The following INPP4A variants were observed in gnomAD, a reference collection of about 807,000 sequenced individuals.
The protein encoded by INPP4A is inositol polyphosphate-4-phosphatase type I A.
In INPP4A, 33 loss-of-function variants were observed where a neutral mutation model predicts 119.8. The ratio of observed to expected loss-of-function variants is 0.28; its 90% CI spans 0.21 to 0.37. INPP4A has a LOEUF of 0.37. Among genes scored for constraint, INPP4A ranks in the 10% least tolerant of loss-of-function variants. The pLI, the probability that INPP4A is intolerant of heterozygous loss-of-function variation, is 1.00. For missense variants in INPP4A, 956 were observed against 1,289.9 expected (o/e 0.74, Z 3.97); for synonymous variants, 496 against 500.7 (o/e 0.99, Z 0.12).
intron 4 of INPP4A, among the ~76,000 whole-genome samples, chr2:98,522,827 C>T (rs1456827744): frequency 6.6e-6 from 1 of 152,046 alleles, no homozygotes; most frequent in Non-Finnish European, 1.5e-5. Context: ...TGGAATGTCT[C>T]AGTGACATTG....
intron 1 of INPP4A, among the ~76,000 whole-genome samples, chr2:98,515,369 G>A (rs1685907237): frequency 6.6e-6 from 1 of 151,064 alleles, no homozygotes; most frequent in Non-Finnish European, 1.5e-5. Context: ...TGTTTGGAGA[G>A]CAGAGGCACA....
chr2:98,588,503 A>AT lies in INPP4A; in HGVS notation c.*903dup, dbSNP rs1240021169. 7 of 214,138 alleles carry AT rather than the reference A, an allele frequency of 3.3e-5. No homozygotes were observed. Among genetic ancestry groups the AT allele is most frequent in the East Asian group, 7.0e-5 (1 of 14,200 alleles). The allele number at this position is 214,138 out of a possible 1,614,324, so 13.3% of individuals were successfully genotyped here. On this transcript the variant is annotated 3_prime_UTR_variant, in exon 25 of 25. Transcript: ENST00000409851. ...AAACCTAAATATTTTCAGAAAAAAA[A>AT]TTTTTTTTGCAGGATTTCCAATTTA...
intron 1 of INPP4A, among the ~76,000 whole-genome samples, chr2:98,495,734 A>G (rs886204107): frequency 1.3e-5 from 2 of 152,210 alleles, no homozygotes; most frequent in Non-Finnish European, 2.9e-5. Flanking sequence ...GGTTAAGATA[A>G]GGGGTTGTGG....
At chr2:98,486,517 C>T (rs563643399) in intron 1 of INPP4A, among the ~76,000 whole-genome samples, 1 of 152,216 alleles carries the variant, frequency 6.6e-6, no homozygotes. Flanking sequence ...CCTAAAAAGG[C>T]GTGGAAACCC....
chr2:98,546,235 C>T lies in INPP4A; in HGVS notation c.1054+162C>T, dbSNP rs1346580187. Among the ~76,000 whole-genome samples the T allele has an allele frequency of 6.6e-6, 1 of 152,190 alleles. No individual in the cohort carries two copies. Among genetic ancestry groups the T allele is most frequent in the Non-Finnish European group, 1.5e-5 (1 of 68,034 alleles). On this transcript the variant is annotated intron_variant, in intron 12 of 24. Coordinates refer to ENST00000409851, the MANE Select transcript of INPP4A (RefSeq NM_001134225.2). This position sits in a 1 kb window ranked among gnomAD's most constrained non-coding sequence, Gnocchi z 4.2. ...ACCTTCAAAAGGTTTCTGATAACAG[C>T]CCACACCCCTTCCTTTTGTCTCTCC...
At chr2:98,564,550 G>C in intron 18 of INPP4A, 90 bp from the exon 19 acceptor site, 1 of 1,497,492 alleles carries the variant, frequency 6.7e-7, no homozygotes, top group Non-Finnish European at 9.2e-7. Context: ...GGCAGCAGAG[G>C]AAGGGGGCGG....
At position 98,566,058 on chromosome 2, in the gene INPP4A, C is replaced by A. The variant is rs373911327; in HGVS notation, c.2309C>A (p.Pro770Gln). The change falls in exon 21 of 25, where the codon CCG becomes CAG. Residue 770 changes from proline (P) to glutamine (Q), a missense_variant. Pro to Gln is a moderately conservative substitution (Grantham distance 76, BLOSUM62 -1). Coordinates refer to ENST00000409851, the MANE Select transcript of INPP4A (RefSeq NM_001134225.2). The surrounding 1 kb of genome is among the most constrained non-coding windows in gnomAD (Gnocchi z 4.2). ...GGGTTTAACGTGCGGGTCCCTCTGCCGGGCCCGCTGTTTGACGCCTTGCCC... is the reference window on the plus strand; with the variant it reads ...GGGTTTAACGTGCGGGTCCCTCTGCAGGGCCCGCTGTTTGACGCCTTGCCC... ...RDGFNVRVPLPGPLFDALPRE... is the reference protein window; with the variant it reads ...RDGFNVRVPLQGPLFDALPRE... The A allele has an allele frequency of 1.9e-5, 30 of 1,604,974 alleles. No homozygotes were observed. The highest frequency in any genetic ancestry group is 2.3e-5 in the Non-Finnish European group (27 of 1,176,202).
Position 98,591,069 on chromosome 2 carries a change from C to G in INPP4A, c.*3461C>G, listed in dbSNP as rs1700374947. ...ACTTTTTAACCTATTTGTCAGCTGT[C>G]TTTTGGTCTGTGGTAGGAGTTATAC... is the stretch of plus-strand genomic sequence containing the variant. On this transcript the variant is annotated 3_prime_UTR_variant, in exon 25 of 25. Transcript: ENST00000409851. The G allele has an allele frequency of 4.7e-6, 1 of 211,958 alleles. No homozygotes were observed. The highest frequency in any genetic ancestry group is 2.3e-5 in the African/African-American group (1 of 44,294). The allele number at this position is 211,958 out of a possible 1,614,324, so 13.1% of individuals were successfully genotyped here.
chr2:98,446,931 A>G (rs1260840824), intron 1 of INPP4A, among the ~76,000 whole-genome samples: 1 of 152,210 alleles, frequency 6.6e-6, no homozygotes, highest in East Asian at 1.9e-4. Flanking sequence ...AGCACTAGAA[A>G]AATGGGATGT....
chr2:98,539,279 C>T (rs1176174743), intron 9 of INPP4A, among the ~76,000 whole-genome samples: 2 of 152,176 alleles, frequency 1.3e-5, no homozygotes, highest in Non-Finnish European at 2.9e-5. Flanking sequence ...CGACAGCCTC[C>T]CTGCCCCCAG....
Position 98,444,883 on chromosome 2 carries a change from G to T in INPP4A, c.-368G>T. 1 of 152,154 alleles carries T rather than the reference G, an allele frequency of 6.6e-6. No homozygotes were observed. The highest frequency in any genetic ancestry group is 2.0e-4 in the South Asian group (1 of 4,928). 9.4% of individuals were successfully genotyped at this position (152,154 alleles called of 1,614,324 possible). On this transcript the variant is annotated 5_prime_UTR_variant, in exon 1 of 25. Coordinates refer to ENST00000409851, the MANE Select transcript of INPP4A (RefSeq NM_001134225.2). ...GTCTAGAGCGGCGGCGGCTGGCTAG[G>T]GCTGCGGCGCGCGTGGAGGGTTCGC...
At position 98,506,794 on chromosome 2, in the gene INPP4A, T is replaced by G. The variant is rs559266784; in HGVS notation, c.-165-12170T>G. ...AAGAGGAAGGGGTCCTGGGCACATT[T>G]GGACTTTGCCTCCTGGAGTGGCCCA... On this transcript the variant is annotated intron_variant, in intron 1 of 24. Coordinates refer to ENST00000409851, the MANE Select transcript of INPP4A (RefSeq NM_001134225.2). Among the ~76,000 whole-genome samples, 271 of 152,314 alleles carry G rather than the reference T, an allele frequency of 1.8e-3. 2 individuals carry two copies. The highest frequency in any genetic ancestry group is 6.2e-3 in the African/African-American group (258 of 41,566).
At chr2:98,499,285 G>T (rs1682648756) in intron 1 of INPP4A, among the ~76,000 whole-genome samples, 1 of 152,218 alleles carries the variant, frequency 6.6e-6, no homozygotes, top group Non-Finnish European at 1.5e-5. Context: ...TCCCAGAAAT[G>T]CCAGGTTTGC....
chr2:98,474,062 G>A (rs1391915876), intron 1 of INPP4A, among the ~76,000 whole-genome samples: 4 of 152,182 alleles, frequency 2.6e-5, no homozygotes, highest in Admixed American at 1.3e-4. Context: ...ATACAGACAT[G>A]GACGTTTTCA....
chr2:98,479,619 A>G (rs144156803), intron 1 of INPP4A, among the ~76,000 whole-genome samples: 1 of 152,318 alleles, frequency 6.6e-6, no homozygotes, highest in Non-Finnish European at 1.5e-5. Flanking sequence ...TGACACAGAA[A>G]GTGTGGTCAG....
intron 1 of INPP4A, among the ~76,000 whole-genome samples, chr2:98,499,351 C>T (rs539361127): frequency 1.3e-5 from 2 of 152,330 alleles, no homozygotes; most frequent in African/African-American, 4.8e-5. Context: ...GGTGGATCAT[C>T]AAACAGTATT....
At chr2:98,531,388 T>A (rs1689182635) in intron 4 of INPP4A, among the ~76,000 whole-genome samples, 1 of 151,776 alleles carries the variant, frequency 6.6e-6, no homozygotes, top group Non-Finnish European at 1.5e-5. Context: ...GAAAAAAAAA[T>A]CAGAGGAGAG....
intron 4 of INPP4A, among the ~76,000 whole-genome samples, chr2:98,530,820 A>G (rs1487351523): frequency 6.6e-6 from 1 of 152,232 alleles, no homozygotes; most frequent in Non-Finnish European, 1.5e-5. Context: ...ACTGTTATTG[A>G]CTATATGTCT....
At chr2:98,564,574 A>G in intron 18 of INPP4A, 66 bp from the exon 19 acceptor site, 1 of 1,599,836 alleles carries the variant, frequency 6.3e-7, no homozygotes, top group Non-Finnish European at 8.5e-7. Context: ...GGGGCTGGGC[A>G]TGATCTGACT....
Sources: allele counts gnomAD v4.1 joint callset (sites outside exome capture counted in the v4.1 genomes callset), GRCh38; gene constraint gnomAD v4.1.1; non-coding constraint Gnocchi (gnomAD v3.1); transcripts MANE v1.5; gene names NCBI Gene and HGNC (gene_info 2026-07-23, HGNC 2026-07-21).